The following RGMB variants were observed in gnomAD, a reference collection of about 807,000 sequenced individuals.
RGMB encodes repulsive guidance molecule BMP co-receptor b, also known as repulsive guidance molecule B.
A neutral mutation model predicts 26.9 loss-of-function variants in RGMB; 16 were observed. The ratio of observed to expected loss-of-function variants is 0.60; its 90% CI spans 0.40 to 0.90. The LOEUF (loss-of-function observed/expected upper bound fraction) is 0.90. Ranked by LOEUF, RGMB falls within the 40% of genes least tolerant of loss-of-function variation. RGMB has a pLI of 0.00. For missense variants in RGMB, 512 were observed against 573.3 expected (o/e 0.89, Z 1.09); for synonymous variants, 225 against 229.3 (o/e 0.98, Z 0.17).
chr5:98,777,224 A>G (rs915580625), intron 1 of RGMB, among the ~76,000 whole-genome samples: 7 of 152,076 alleles, frequency 4.6e-5, no homozygotes, highest in African/African-American at 1.7e-4. Flanking sequence ...TTGATATTTT[A>G]TGACTATTTG....
chr5:98,775,007 C>T (rs565727170), intron 1 of RGMB, among the ~76,000 whole-genome samples: 4 of 152,268 alleles, frequency 2.6e-5, no homozygotes, highest in African/African-American at 9.6e-5. Context: ...GCTCTTCACA[C>T]TATTTTTTTC....
At chr5:98,772,872 C>A (rs1396327685), upstream of RGMB, 1 of 152,226 alleles carries the variant, frequency 6.6e-6, no homozygotes, top group Non-Finnish European at 1.5e-5. Context: ...AAACCCACCA[C>A]TCTCATTAAT....
chr5:98,774,094 C>A lies in RGMB; in HGVS notation c.24C>A (p.Ser8=). 3 of 1,216,258 alleles carry A rather than the reference C, an allele frequency of 2.5e-6. No individual in the cohort carries two copies. The highest frequency in any genetic ancestry group is 2.3e-6 in the Non-Finnish European group (2 of 867,906). The allele number at this position is 1,216,258 out of a possible 1,614,324, so 75.3% of individuals were successfully genotyped here. Residue 8 remains serine, a synonymous_variant, in exon 1 of 3, where the codon TCC becomes TCA. Coordinates refer to ENST00000513185, the MANE Select transcript of RGMB (RefSeq NM_001366508.1). ...GCATGGGCTTGAGAGCAGCACCTTC[C>A]AGCGCCGCCGCTGCCGCCGCCGAGG... MGLRAAP[S]SAAAAAAEVE...
intron 1 of RGMB, among the ~76,000 whole-genome samples, chr5:98,776,488 C>T (rs1016033559): frequency 2.6e-5 from 4 of 152,142 alleles, no homozygotes; most frequent in Non-Finnish European, 2.9e-5. Context: ...GTTTCTGCTC[C>T]GCATTGTCTT....
chr5:98,771,526 C>G (rs1450646945), upstream of RGMB: 2 of 152,196 alleles, frequency 1.3e-5, no homozygotes, highest in Admixed American at 6.5e-5. Flanking sequence ...TAGGAACCAC[C>G]TTGCGGTTTA....
intron 1 of RGMB, among the ~76,000 whole-genome samples, chr5:98,774,438 C>G (rs1239309287): frequency 6.6e-6 from 1 of 152,202 alleles, no homozygotes; most frequent in Non-Finnish European, 1.5e-5. Context: ...TCCCCGCCTT[C>G]GGCTCGGACC....
upstream of RGMB, chr5:98,770,872 G>A (rs1746139855): frequency 4.9e-6 from 2 of 406,454 alleles, no homozygotes. Context: ...GGCTATTTCA[G>A]CCGCTGCTTT....
At chr5:98,779,528 C>A in intron 1 of RGMB, 52 bp from the exon 2 acceptor site, 9 of 1,458,976 alleles carry the variant, frequency 6.2e-6, no homozygotes, top group Non-Finnish European at 8.2e-6. Context: ...TCATGTAGCT[C>A]AGGAAGTTAT....
chr5:98,784,585 T>G (rs1240610786), intron 2 of RGMB, among the ~76,000 whole-genome samples: 4 of 152,214 alleles, frequency 2.6e-5, no homozygotes, highest in East Asian at 1.9e-4. Flanking sequence ...CATTCTTTGT[T>G]GGTTACAAAA....
In RGMB at chr5:98,790,347, AAAC is replaced by A. The variant is rs572364974; in HGVS notation, c.646-2732_646-2730del. Among the ~76,000 whole-genome samples the A allele has an allele frequency of 2.5e-3, 383 of 152,336 alleles. 1 individual carries two copies. Among genetic ancestry groups the A allele is most frequent in the African/African-American group, 8.2e-3 (341 of 41,576 alleles). ...GTGAGAATTACCTTGCTTGGTTGGG[AAAC>A]AACAAGAGAAATATCCACTTGTCTC... On this transcript the variant is annotated intron_variant, in intron 2 of 2. Coordinates refer to ENST00000513185, the MANE Select transcript of RGMB (RefSeq NM_001366508.1).
chr5:98,774,097 CGCCGCCGCT>C lies in RGMB; in HGVS notation c.36_44del (p.Ala13_Ala15del). On this transcript the variant is annotated inframe_deletion, in exon 1 of 3. Coordinates refer to ENST00000513185, the MANE Select transcript of RGMB (RefSeq NM_001366508.1). ...TGGGCTTGAGAGCAGCACCTTCCAG[CGCCGCCGCT>C]GCCGCCGCCGAGGTTGAGCAGCGCC... The C allele has an allele frequency of 8.1e-7, 1 of 1,237,696 alleles. No individual in the cohort carries two copies. Among genetic ancestry groups the C allele is most frequent in the Non-Finnish European group, 1.1e-6 (1 of 888,006 alleles). 76.7% of individuals were successfully genotyped at this position (1,237,696 alleles called of 1,614,324 possible).
At position 98,794,351 on chromosome 5, in the gene RGMB, T is replaced by C. The variant is rs1422694340; in HGVS notation, c.*598T>C. The C allele has an allele frequency of 6.6e-6, 1 of 152,204 alleles. No homozygotes were observed. Among genetic ancestry groups the C allele is most frequent in the Non-Finnish European group, 1.5e-5 (1 of 68,068 alleles). The allele number at this position is 152,204 out of a possible 1,614,324, so 9.4% of individuals were successfully genotyped here. On this transcript the variant is annotated 3_prime_UTR_variant, in exon 3 of 3. Transcript: ENST00000513185. ...GAAGCTCTCTTCATCTAAGAGCTGT[T>C]ACTTTTTCAGAAGGGGGGGTATTAT... is the stretch of plus-strand genomic sequence containing the variant.
rs760127625 is a variant in RGMB at position 98,793,256 on chromosome 5, G to T, written c.817G>T (p.Ala273Ser). 1 of 1,613,860 alleles carries T rather than the reference G, an allele frequency of 6.2e-7. No individual in the cohort carries two copies. Among genetic ancestry groups the T allele is most frequent in the Admixed American group, 1.7e-5 (1 of 59,998 alleles). Reference protein sequence around the residue: ...RESGHYVEMHARYIGTTVFVR... With the variant: ...RESGHYVEMHSRYIGTTVFVR... ...GAGTGGCCACTATGTGGAGATGCAC[G>T]CCCGCTATATAGGGACCACAGTGTT... Residue 273 changes from alanine (A) to serine (S), a missense_variant, in exon 3 of 3, where the codon GCC becomes TCC. By Grantham distance (99) the Ala-to-Ser change is moderately conservative (BLOSUM62 1). Transcript: ENST00000513185.
intron 2 of RGMB, among the ~76,000 whole-genome samples, chr5:98,781,566 G>A (rs1240233051): frequency 6.6e-6 from 1 of 152,128 alleles, no homozygotes; most frequent in Admixed American, 6.5e-5. Context: ...TGAAAGCTGG[G>A]AATAGTCTTT....
Position 98,779,768 on chromosome 5 carries a change from G to A in RGMB, c.325G>A (p.Val109Met), listed in dbSNP as rs776743795. The A allele has an allele frequency of 8.7e-6, 14 of 1,614,050 alleles. No individual in the cohort carries two copies. Among genetic ancestry groups the A allele is most frequent in the Admixed American group, 5.0e-5 (3 of 60,026 alleles). Residue 109 changes from valine to methionine, a missense_variant, in exon 2 of 3, where the codon GTG becomes ATG. Physicochemically the swap from Val to Met is conservative, Grantham distance 21 (BLOSUM62 1). Transcript: ENST00000513185. ...CRGNLVYHSAVLGISDLMSQR... is the reference protein window; with the variant it reads ...CRGNLVYHSAMLGISDLMSQR... ...TGGCAACCTGGTATACCATTCTGCC[G>A]TGTTGGGTATCAGTGACCTCATGAG...
rs1273792635 is a variant in RGMB at position 98,793,230 on chromosome 5, A to C, written c.791A>C (p.Glu264Ala). ...DAKSLRIVERESGHYVEMHAR... is the reference protein window; with the variant it reads ...DAKSLRIVERASGHYVEMHAR... ...AAGAGCCTGCGTATCGTGGAAAGGGAGAGTGGCCACTATGTGGAGATGCAC... is the reference window on the plus strand; with the variant it reads ...AAGAGCCTGCGTATCGTGGAAAGGGCGAGTGGCCACTATGTGGAGATGCAC... Residue 264 changes from glutamate (E) to alanine (A), a missense_variant, in exon 3 of 3, where the codon GAG (glutamate) becomes GCG (alanine). Glu to Ala is a moderately radical substitution (Grantham distance 107, BLOSUM62 -1). Transcript: ENST00000513185. 6.2e-7 allele frequency: 1 copy of C among 1,614,006 alleles called. No homozygotes were observed. The highest frequency in any genetic ancestry group is 1.7e-5 in the Admixed American group (1 of 60,032).
intron 1 of RGMB, 111 bp from the exon 2 acceptor site, chr5:98,779,469 A>T: frequency 9.6e-7 from 1 of 1,041,674 alleles, no homozygotes; most frequent in South Asian, 2.6e-5. Context: ...AAATAGGAGT[A>T]CAGTGTATAA....
chr5:98,794,072 A>G lies in RGMB; in HGVS notation c.*319A>G. 1 of 204,386 alleles carries G rather than the reference A, an allele frequency of 4.9e-6. No homozygotes were observed. Among genetic ancestry groups the G allele is most frequent in the African/African-American group, 2.3e-5 (1 of 42,600 alleles). 12.7% of individuals were successfully genotyped at this position (204,386 alleles called of 1,614,324 possible). A position where few individuals can be genotyped will look rare whatever the true frequency, so the allele number is the denominator to read the frequency against. On this transcript the variant is annotated 3_prime_UTR_variant, in exon 3 of 3. Transcript: ENST00000513185. The stretch of plus-strand genomic sequence containing the variant: ...ATGTGTGTGCTTGGTTGATATGTAT[A>G]GTACATATACACAGACATCCATATG...
At position 98,796,103 on chromosome 5, in the gene RGMB, TTATTTTCTCCTTTTTTGAGATTTC is replaced by T. The variant is rs1747112164; in HGVS notation, c.*2353_*2376del. The T allele has an allele frequency of 6.6e-6, 1 of 152,230 alleles. No homozygotes were observed. The highest frequency in any genetic ancestry group is 6.5e-5 in the Admixed American group (1 of 15,284). The allele number at this position is 152,230 out of a possible 1,614,324, so 9.4% of individuals were successfully genotyped here. ...GTATTTCTCTACGTAAGGGCCAGGT[TTATTTTCTCCTTTTTTGAGATTTC>T]TAGAAAAAATGCTGCTTGCACATGT... On this transcript the variant is annotated 3_prime_UTR_variant, in exon 3 of 3. Coordinates refer to ENST00000513185, the MANE Select transcript of RGMB (RefSeq NM_001366508.1).
Sources: allele counts gnomAD v4.1 joint callset (sites outside exome capture counted in the v4.1 genomes callset), GRCh38; gene constraint gnomAD v4.1.1; transcripts MANE v1.5; gene names NCBI Gene and HGNC (gene_info 2026-07-23, HGNC 2026-07-21).